The following NELL2 variants were observed in gnomAD, a reference collection of about 807,000 sequenced individuals.
NELL2 encodes neural EGFL like 2, also known as protein kinase C-binding protein NELL2.
A neutral mutation model predicts 109.6 loss-of-function variants in NELL2; 41 were observed. The ratio of observed to expected loss-of-function variants is 0.37; its 90% CI spans 0.29 to 0.49. The LOEUF (loss-of-function observed/expected upper bound fraction) is 0.49, where lower values mean the gene tolerates loss of function less well. Ranked by LOEUF, NELL2 falls within the 20% of genes least tolerant of loss-of-function variation. The pLI is 0.98. For synonymous variants in NELL2, 355 were observed against 344.7 expected (o/e 1.03, Z -0.33); for missense variants, 900 against 1,008.3 (o/e 0.89, Z 1.45).
At chr12:44,827,411 G>GT (rs35241789) in intron 2 of NELL2, among the ~76,000 whole-genome samples, 86,473 of 126,472 alleles carry the variant, frequency 0.68, 31,798 homozygotes, top group Middle Eastern at 0.88. Context: ...TCTTCTAACT[G>GT]TTTTTTTTTT....
At chr12:44,758,742 C>T (rs1038547775) in intron 9 of NELL2, among the ~76,000 whole-genome samples, 10 of 152,156 alleles carry the variant, frequency 6.6e-5, no homozygotes, top group African/African-American at 9.7e-5. Context: ...GTTAGAATTT[C>T]TTCAGAAGCC....
chr12:44,820,970 G>A (rs1352621494), intron 2 of NELL2, among the ~76,000 whole-genome samples: 1 of 151,918 alleles, frequency 6.6e-6, no homozygotes, highest in African/African-American at 2.4e-5. Flanking sequence ...ACAGGAATGA[G>A]AGGAGGATGG....
intron 12 of NELL2, among the ~76,000 whole-genome samples, chr12:44,697,042 C>G (rs917640130): frequency 1.3e-5 from 2 of 152,098 alleles, no homozygotes; most frequent in Non-Finnish European, 2.9e-5. Context: ...TGGCATATAA[C>G]GAATGTAACC....
chr12:44,508,792 T>C lies in NELL2; in HGVS notation c.*142A>G. On this transcript the variant is annotated 3_prime_UTR_variant, in exon 20 of 20. Transcript: ENST00000429094. ...TTGTGATTTTGTCAAGCTCCACAAA[T>C]TTCATAATTGAAAGTTCACTCAGCT... 1 of 703,508 alleles carries C rather than the reference T, an allele frequency of 1.4e-6. No individual in the cohort carries two copies. The highest frequency in any genetic ancestry group is 3.6e-4 in the Middle Eastern group (1 of 2,816). The allele number at this position is 703,508 out of a possible 1,614,324, so 43.6% of individuals were successfully genotyped here. A position where few individuals can be genotyped will look rare whatever the true frequency, so the allele number is the denominator to read the frequency against.
intron 11 of NELL2, among the ~76,000 whole-genome samples, chr12:44,704,811 G>A (rs1937764704): frequency 6.6e-6 from 1 of 152,008 alleles, no homozygotes; most frequent in Non-Finnish European, 1.5e-5. Flanking sequence ...TTAAGATCAG[G>A]AGTTGGAGGC....
chr12:44,717,245 C>T (rs1047919700), intron 9 of NELL2, among the ~76,000 whole-genome samples: 3 of 152,046 alleles, frequency 2.0e-5, no homozygotes, highest in African/African-American at 7.2e-5. Flanking sequence ...TTCCTAAAAA[C>T]ACTGCAAGGA....
At chr12:44,586,815 G>C (rs373123412) in intron 15 of NELL2, among the ~76,000 whole-genome samples, 1 of 152,056 alleles carries the variant, frequency 6.6e-6, no homozygotes, top group East Asian at 1.9e-4. Flanking sequence ...CTCTACAAGG[G>C]CAACGATGTT....
Position 44,747,151 on chromosome 12 carries a change from G to T in NELL2, c.994+27596C>A, listed in dbSNP as rs191722070. Among the ~76,000 whole-genome samples, 339 of 152,292 alleles carry T rather than the reference G, an allele frequency of 2.2e-3. 4 individuals are homozygous for T. Among genetic ancestry groups the T allele is most frequent in the Non-Finnish European group, 6.6e-4 (45 of 68,032 alleles). The stretch of plus-strand genomic sequence containing the variant: ...GTGATGAGTTCATGTCCTTTGTGGG[G>T]ACATGGATGAAACTGGAAACCATCA... On this transcript the variant is annotated intron_variant, in intron 9 of 19. Transcript: ENST00000429094.
At chr12:44,893,000 C>T (rs1945553393) in intron 1 of NELL2, among the ~76,000 whole-genome samples, 1 of 152,094 alleles carries the variant, frequency 6.6e-6, no homozygotes, top group African/African-American at 2.4e-5. Context: ...CTGTGATTCA[C>T]AATACTCTAT....
chr12:44,674,941 G>A (rs1316250794), intron 12 of NELL2, among the ~76,000 whole-genome samples: 1 of 152,118 alleles, frequency 6.6e-6, no homozygotes, highest in African/African-American at 2.4e-5. Context: ...AGAGGGTAGA[G>A]AGCTTGTCCA....
chr12:44,653,074 C>T (rs749149724), intron 13 of NELL2, among the ~76,000 whole-genome samples: 1 of 152,214 alleles, frequency 6.6e-6, no homozygotes, highest in Admixed American at 6.5e-5. Context: ...CCTTGTGCCA[C>T]GTAAGGTAGC....
At chr12:44,903,263 A>G (rs528601674) in intron 1 of NELL2, among the ~76,000 whole-genome samples, 1 of 152,356 alleles carries the variant, frequency 6.6e-6, no homozygotes, top group East Asian at 1.9e-4. Context: ...GAAGACATTT[A>G]TGTGGCCAAC....
intron 15 of NELL2, among the ~76,000 whole-genome samples, chr12:44,572,080 C>A (rs1051933188): frequency 4.6e-5 from 7 of 152,088 alleles, no homozygotes; most frequent in Non-Finnish European, 7.4e-5. Context: ...TTCTATTATT[C>A]CATGGCCCAT....
intron 2 of NELL2, among the ~76,000 whole-genome samples, chr12:44,827,480 C>A (rs2136712493): frequency 6.7e-6 from 1 of 149,020 alleles, no homozygotes; most frequent in South Asian, 2.1e-4. Flanking sequence ...CCCAACAATC[C>A]TTCCCAGCCT....
At chr12:44,574,309 T>C (rs1399669136) in intron 15 of NELL2, among the ~76,000 whole-genome samples, 1 of 152,072 alleles carries the variant, frequency 6.6e-6, no homozygotes, top group Non-Finnish European at 1.5e-5. Flanking sequence ...ATCTGAAAAA[T>C]CTGTACAAAT....
chr12:44,587,948 G>C (rs1203736574), intron 15 of NELL2, among the ~76,000 whole-genome samples: 1 of 152,134 alleles, frequency 6.6e-6, no homozygotes, highest in South Asian at 2.1e-4. Context: ...TCAGGAGATA[G>C]AGACCATCCT....
At chr12:44,634,589 T>G (rs1196128162) in intron 13 of NELL2, among the ~76,000 whole-genome samples, 3 of 152,210 alleles carry the variant, frequency 2.0e-5, no homozygotes, top group African/African-American at 4.8e-5. Flanking sequence ...GCATTTGTGT[T>G]GGTTCCAAAT....
chr12:44,828,805 C>A (rs981462445), intron 2 of NELL2, among the ~76,000 whole-genome samples: 1 of 152,070 alleles, frequency 6.6e-6, no homozygotes, highest in Non-Finnish European at 1.5e-5. Context: ...AATACAAGTT[C>A]TGAAGACTAT....
At chr12:44,625,659 A>C (rs542152962) in intron 13 of NELL2, among the ~76,000 whole-genome samples, 2 of 152,242 alleles carry the variant, frequency 1.3e-5, no homozygotes, top group South Asian at 4.1e-4. Flanking sequence ...TGTTCTAAGA[A>C]GCTCCTGACC....
Sources: gnomAD v4.1 joint callset for allele counts (sites outside exome capture counted in the v4.1 genomes callset) on GRCh38, gnomAD v4.1.1 for gene constraint, MANE v1.5 for transcripts, NCBI Gene and HGNC (gene_info 2026-07-23, HGNC 2026-07-21) for gene names.